Variants in THSD4 observed in about 807,000 individuals in gnomAD.
THSD4 encodes thrombospondin type-1 domain-containing protein 4.
THSD4 carries 69 observed loss-of-function variants against 119.0 expected under a neutral mutation model. That is an observed-to-expected ratio of 0.58 (90% CI 0.48 to 0.71). THSD4 has a LOEUF of 0.71. Ranked by LOEUF, THSD4 falls within the 30% of genes least tolerant of loss-of-function variation. The pLI is 0.00. For missense variants in THSD4, 1,393 were observed against 1,391.1 expected (o/e 1.00, Z -0.02); for synonymous variants, 524 against 540.4 (o/e 0.97, Z 0.42).
At chr15:71,128,620 A>C (rs1162618588) in intron 1 of THSD4, among the ~76,000 whole-genome samples, 1 of 152,184 alleles carries the variant, frequency 6.6e-6, no homozygotes, top group Non-Finnish European at 1.5e-5. Context: ...AAAACTACTC[A>C]GTGAAATACT....
chr15:71,121,727 G>T, intron 1 of THSD4, among the ~76,000 whole-genome samples: 1 of 152,132 alleles, frequency 6.6e-6, no homozygotes, highest in Non-Finnish European at 1.5e-5. Context: ...GCTTTGTTGT[G>T]ACCTGATAGT....
chr15:71,109,218 A>G (rs2141342970), intron 1 of THSD4, among the ~76,000 whole-genome samples: 1 of 152,288 alleles, frequency 6.6e-6, no homozygotes, highest in South Asian at 2.1e-4. Flanking sequence ...ACCCAAGTCA[A>G]CAAACAGCAG....
rs2277541 is a variant in THSD4, at chr15:71,747,176, G to A, written c.2241+134G>A. The A allele has an allele frequency of 7.1e-5, 73 of 1,034,568 alleles. No individual in the cohort carries two copies. The East Asian group carries it at 1.6e-3, about 23-fold the overall frequency. The allele number at this position is 1,034,568 out of a possible 1,614,324, so 64.1% of individuals were successfully genotyped here. A position where few individuals can be genotyped will look rare whatever the true frequency, so the allele number is the denominator to read the frequency against. ...GAACCCGTCCCGTGGGGGTCTGGAC[G>A]GCTGTTTTTGCAAACCACAGGATGT... On this transcript the variant is annotated intron_variant, in intron 13 of 17. Transcript: ENST00000261862.
chr15:71,498,841 A>G (rs1453624671), intron 7 of THSD4, among the ~76,000 whole-genome samples: 1 of 146,464 alleles, frequency 6.8e-6, no homozygotes, highest in Non-Finnish European at 1.5e-5. Flanking sequence ...GACCACAGGC[A>G]CACACCACCA....
At chr15:71,568,732 C>G (rs2049291726) in intron 7 of THSD4, among the ~76,000 whole-genome samples, 1 of 152,024 alleles carries the variant, frequency 6.6e-6, no homozygotes, top group Non-Finnish European at 1.5e-5. Context: ...TCATGCTATC[C>G]CTCCCCCTTC....
At chr15:71,665,642 A>T (rs940669128) in intron 8 of THSD4, among the ~76,000 whole-genome samples, 2 of 152,282 alleles carry the variant, frequency 1.3e-5, no homozygotes, top group African/African-American at 4.8e-5. Flanking sequence ...TTTACATTTA[A>T]GTCTTTAATC....
intron 8 of THSD4, among the ~76,000 whole-genome samples, chr15:71,724,668 T>C (rs1458734204): frequency 6.6e-6 from 1 of 152,160 alleles, no homozygotes; most frequent in Non-Finnish European, 1.5e-5. Context: ...AATACTGTTC[T>C]AGCTGAACAG....
intron 2 of THSD4, among the ~76,000 whole-genome samples, chr15:71,146,701 C>T (rs767000024): frequency 3.9e-5 from 6 of 152,134 alleles, no homozygotes; most frequent in Non-Finnish European, 5.9e-5. Context: ...AGGGAAGAAT[C>T]GGCCGCAGTC....
At chr15:71,292,901 C>T (rs926888663) in intron 6 of THSD4, among the ~76,000 whole-genome samples, 2 of 152,212 alleles carry the variant, frequency 1.3e-5, no homozygotes, top group Non-Finnish European at 2.9e-5. Context: ...TGGTCTTGAT[C>T]TCCTGACCTT....
At chr15:71,773,788 C>G (rs1182886492) in intron 17 of THSD4, among the ~76,000 whole-genome samples, 2 of 152,184 alleles carry the variant, frequency 1.3e-5, no homozygotes, top group Non-Finnish European at 2.9e-5. Flanking sequence ...AAAATAGTAC[C>G]TGAGTACATG....
rs922021435 is a variant in THSD4 at position 71,670,235 on chromosome 15, C to G, written c.1357+9501C>G. Among the ~76,000 whole-genome samples the G allele has an allele frequency of 2.0e-5, 3 of 151,810 alleles. No individual in the cohort carries two copies. The East Asian group carries it at 5.9e-4, about 30-fold the overall frequency. ...TCCTAATGCTATCCCTCCCCTATCC[C>G]CCACCCCATGACAGGCCCCGGTGTG... is the stretch of plus-strand genomic sequence containing the variant. On this transcript the variant is annotated intron_variant, in intron 8 of 17. Coordinates refer to ENST00000261862, the MANE Select transcript of THSD4 (RefSeq NM_024817.3).
intron 10 of THSD4, chr15:71,731,876 A>T (rs2141135960): frequency 6.6e-6 from 1 of 152,580 alleles, no homozygotes; most frequent in South Asian, 2.1e-4. Context: ...TGAAGGTGTC[A>T]TCAGGGCCCC....
At chr15:71,582,021 A>G (rs2049569589) in intron 7 of THSD4, among the ~76,000 whole-genome samples, 1 of 152,000 alleles carries the variant, frequency 6.6e-6, no homozygotes, top group African/African-American at 2.4e-5. Flanking sequence ...GAATTTTAGG[A>G]TTGTTTTTCA....
intron 6 of THSD4, among the ~76,000 whole-genome samples, chr15:71,257,418 A>G (rs948094493): frequency 9.2e-5 from 14 of 152,216 alleles, no homozygotes; most frequent in Non-Finnish European, 2.9e-5. Context: ...TGGGGGTTCT[A>G]TGCTCACAGC....
intron 8 of THSD4, among the ~76,000 whole-genome samples, chr15:71,706,362 A>C (rs897787977): frequency 6.9e-6 from 1 of 144,858 alleles, no homozygotes; most frequent in Non-Finnish European, 1.5e-5. Context: ...GGATGGGAGA[A>C]AAAAATGGTG....
At chr15:71,580,007 T>A (rs531399806) in intron 7 of THSD4, among the ~76,000 whole-genome samples, 2 of 152,172 alleles carry the variant, frequency 1.3e-5, no homozygotes, top group East Asian at 3.9e-4. Context: ...TGTGACTAAT[T>A]GGAGATATTA....
intron 6 of THSD4, among the ~76,000 whole-genome samples, chr15:71,263,075 T>C (rs2044419950): frequency 6.6e-6 from 1 of 151,990 alleles, no homozygotes; most frequent in Non-Finnish European, 1.5e-5. Flanking sequence ...GTTATTCAGC[T>C]TAGTAATCCA....
chr15:71,672,936 G>A (rs2051562708), intron 8 of THSD4, among the ~76,000 whole-genome samples: 1 of 152,152 alleles, frequency 6.6e-6, no homozygotes, highest in Non-Finnish European at 1.5e-5. Context: ...CAGGGATATT[G>A]GTCTAAAATT....
At position 71,474,512 on chromosome 15, in the gene THSD4, C is replaced by T. The variant is rs139952768; in HGVS notation, c.1152+62689C>T. ...CTGGGATTACAGGCTTAAGCCACCG[C>T]GCCTGGCCTTCTACTTTATTTTTGC... On this transcript the variant is annotated intron_variant, in intron 7 of 17. Coordinates refer to ENST00000261862, the MANE Select transcript of THSD4 (RefSeq NM_024817.3). Among the ~76,000 whole-genome samples the T allele has an allele frequency of 1.3e-3, 193 of 152,276 alleles. 1 individual carries two copies. The highest frequency in any genetic ancestry group is 4.0e-3 in the African/African-American group (166 of 41,538).
Sources: allele counts gnomAD v4.1 joint callset (sites outside exome capture counted in the v4.1 genomes callset), GRCh38; gene constraint gnomAD v4.1.1; transcripts MANE v1.5; gene names NCBI Gene and HGNC (gene_info 2026-07-23, HGNC 2026-07-21).